SEPHS1: variants seen among roughly 807,000 people sequenced by gnomAD.
SEPHS1 encodes the protein selenophosphate synthetase 1, also known as zincore component SEPHS1.
SEPHS1 carries 7 observed loss-of-function variants against 39.2 expected under a neutral mutation model. That is an observed-to-expected ratio of 0.18 (90% confidence interval 0.10 to 0.34). SEPHS1 has a LOEUF of 0.34. Among genes scored for constraint, SEPHS1 ranks in the 10% least tolerant of loss-of-function variants. The probability of loss-of-function intolerance (pLI) is 1.00; values close to 1 mark genes in which losing one functional copy is unlikely to be tolerated. For synonymous variants in SEPHS1, 190 were observed against 195.5 expected (o/e 0.97, Z 0.23); for missense variants, 253 against 514.5 (o/e 0.49, Z 4.92).
intron 3 of SEPHS1, among the ~76,000 whole-genome samples, chr10:13,337,128 G>A (rs1035340306): frequency 2.6e-5 from 4 of 151,756 alleles, no homozygotes; most frequent in Admixed American, 6.6e-5. Flanking sequence ...TCTAGCCTGG[G>A]CAACAGAGCA....
chr10:13,347,709 A>G (rs1833968930), intron 1 of SEPHS1, among the ~76,000 whole-genome samples: 1 of 144,884 alleles, frequency 6.9e-6, no homozygotes, highest in African/African-American at 2.5e-5. Context: ...CGAAAAAATT[A>G]ACCCCTGCGT....
intron 8 of SEPHS1, chr10:13,322,164 C>T (rs535383487): frequency 1.1e-5 from 4 of 373,678 alleles, no homozygotes; most frequent in Non-Finnish European, 2.0e-5. Flanking sequence ...TTTTTTAAGG[C>T]AGAATCTCGC....
chr10:13,333,412 C>A (rs1238676306), intron 5 of SEPHS1, among the ~76,000 whole-genome samples: 1 of 150,398 alleles, frequency 6.6e-6, no homozygotes, highest in African/African-American at 2.5e-5. Flanking sequence ...GGATTACAGG[C>A]ATGAGCAACC....
intron 1 of SEPHS1, among the ~76,000 whole-genome samples, chr10:13,347,535 C>G (rs1401725860): frequency 6.9e-6 from 1 of 145,612 alleles, no homozygotes; most frequent in African/African-American, 2.5e-5. Flanking sequence ...CGCGTGCGGC[C>G]CAGGAGCCGG....
At chr10:13,344,641 C>T (rs1446249586) in intron 2 of SEPHS1, 117 bp downstream of exon 2, 4 of 735,822 alleles carry the variant, frequency 5.4e-6, no homozygotes, top group African/African-American at 3.6e-5. Context: ...TTCCTCAAAT[C>T]TATAAAAGCA....
intron 5 of SEPHS1, among the ~76,000 whole-genome samples, chr10:13,331,640 C>T (rs1833474378): frequency 6.6e-6 from 1 of 152,196 alleles, no homozygotes; most frequent in South Asian, 2.1e-4. Context: ...GTCTTGGCTT[C>T]CCAAAGTGCT....
intron 7 of SEPHS1, among the ~76,000 whole-genome samples, chr10:13,323,766 G>C (rs944440576): frequency 1.3e-5 from 2 of 150,420 alleles, no homozygotes; most frequent in African/African-American, 4.9e-5. Flanking sequence ...TTAAGAGACA[G>C]AGTCTTGCTC....
At chr10:13,340,115 A>G (rs1833744422) in intron 2 of SEPHS1, among the ~76,000 whole-genome samples, 1 of 152,180 alleles carries the variant, frequency 6.6e-6, no homozygotes, top group Admixed American at 6.6e-5. Flanking sequence ...TGCGTAAGTG[A>G]AAGGGCCGTG....
In SEPHS1 at chr10:13,337,871, G is replaced by A. The variant is rs143843972; in HGVS notation, c.297+834C>T. On this transcript the variant is annotated intron_variant, in intron 3 of 8. Coordinates refer to ENST00000327347, the MANE Select transcript of SEPHS1 (RefSeq NM_012247.5). ...TTCCAATAATCTGGTATTTGTCACT[G>A]GTACCTGAGGGTGAACACCCCCCAC... Among the ~76,000 whole-genome samples, 16 of 152,288 alleles carry A rather than the reference G, an allele frequency of 1.1e-4. 1 individual carries two copies. The East Asian group carries it at 3.1e-3, about 29-fold the overall frequency.
At chr10:13,331,446 C>A (rs1030438325) in intron 5 of SEPHS1, among the ~76,000 whole-genome samples, 3 of 151,944 alleles carry the variant, frequency 2.0e-5, no homozygotes, top group Non-Finnish European at 2.9e-5. Flanking sequence ...AGTACAGTGG[C>A]ACGATCTTGG....
At chr10:13,324,478 A>G (rs1833204888) in intron 7 of SEPHS1, among the ~76,000 whole-genome samples, 1 of 152,248 alleles carries the variant, frequency 6.6e-6, no homozygotes, top group Non-Finnish European at 1.5e-5. Context: ...GCATCATATA[A>G]TAACATATTT....
chr10:13,342,033 A>G (rs1352536967), intron 2 of SEPHS1, among the ~76,000 whole-genome samples: 1 of 151,192 alleles, frequency 6.6e-6, no homozygotes, highest in Non-Finnish European at 1.5e-5. Context: ...TAATCCCAGC[A>G]CTTTGGGAGG....
rs1441061087 is a variant in SEPHS1 at position 13,333,988 on chromosome 10, T to C, written c.406-17A>G. 1.3e-6 allele frequency: 2 copies of C among 1,593,262 alleles called. No individual in the cohort carries two copies. Among genetic ancestry groups the C allele is most frequent in the Non-Finnish European group, 1.7e-6 (2 of 1,173,458 alleles). On this transcript the variant is annotated splice_polypyrimidine_tract_variant and intron_variant, in intron 4 of 8. Transcript: ENST00000327347. ...ATCCCTTTCCTAAGGTTGAAAAAGGTACAAATAAAAAGTCAAAGAATTCTG... is the reference window on the plus strand; with the variant it reads ...ATCCCTTTCCTAAGGTTGAAAAAGGCACAAATAAAAAGTCAAAGAATTCTG...
intron 2 of SEPHS1, among the ~76,000 whole-genome samples, chr10:13,341,965 ACT>A (rs1471519174): frequency 2.5e-5 from 3 of 120,060 alleles, no homozygotes; most frequent in African/African-American, 9.5e-5. Context: ...ATGGAGTGAG[ACT>A]CTATCTCAAG....
At chr10:13,339,739 C>T (rs1003887984) in intron 2 of SEPHS1, among the ~76,000 whole-genome samples, 3 of 152,170 alleles carry the variant, frequency 2.0e-5, no homozygotes, top group African/African-American at 4.8e-5. Context: ...TCTCACATAC[C>T]TTAAATCATC....
chr10:13,332,236 G>A (rs557685700), intron 5 of SEPHS1, among the ~76,000 whole-genome samples: 258 of 152,314 alleles, frequency 1.7e-3, no homozygotes, highest in African/African-American at 4.8e-3. Context: ...GGATGGACCC[G>A]GAAAACATTC....
chr10:13,325,745 A>G (rs1329393043), intron 7 of SEPHS1, among the ~76,000 whole-genome samples: 2 of 151,916 alleles, frequency 1.3e-5, no homozygotes, highest in Non-Finnish European at 2.9e-5. Flanking sequence ...AAAAATACCA[A>G]AATTAGTGGG....
intron 3 of SEPHS1, among the ~76,000 whole-genome samples, chr10:13,336,592 G>A (rs1041766887): frequency 3.3e-5 from 5 of 152,172 alleles, no homozygotes; most frequent in African/African-American, 1.2e-4. Context: ...GCAGGACAAA[G>A]AATGTACCAG....
chr10:13,325,895 CAAAAAAAAAAAAAAAAAAA>C (rs562038894), intron 7 of SEPHS1, among the ~76,000 whole-genome samples: 25 of 26,442 alleles, frequency 9.5e-4, no homozygotes, highest in African/African-American at 1.9e-3. Context: ...GACTCCGTCT[CAAAAAAAAAAAAAAAAAAA>C]AAAAAAAAAA....
Sources: allele counts gnomAD v4.1 joint callset (sites outside exome capture counted in the v4.1 genomes callset), GRCh38; gene constraint gnomAD v4.1.1; transcripts MANE v1.5; gene names NCBI Gene and HGNC (gene_info 2026-07-23, HGNC 2026-07-21).